GLDN: variants seen among roughly 807,000 people sequenced by gnomAD.
GLDN encodes the protein gliomedin.
Under a neutral mutation model 56.5 loss-of-function variants are expected in GLDN, and 47 were observed. The observed-to-expected ratio is 0.83, with a 90% confidence interval of 0.66 to 1.06. The LOEUF (loss-of-function observed/expected upper bound fraction) is 1.06. GLDN is among the 50% of genes least tolerant of loss of function. The pLI, the probability that GLDN is intolerant of heterozygous loss-of-function variation, is 0.00. For synonymous variants in GLDN, 332 were observed against 278.8 expected (o/e 1.19, Z -1.90); for missense variants, 782 against 714.3 (o/e 1.09, Z -1.08).
chr15:51,342,163 G>A (rs898711701), intron 1 of GLDN, 116 bp downstream of exon 1: 2 of 1,325,730 alleles, frequency 1.5e-6, no homozygotes, highest in Non-Finnish European at 2.1e-6. Flanking sequence ...CTGCGGAGAG[G>A]GCTGTGGGCA....
chr15:51,353,734 A>AAAAAAAAAAAAAAAAAAAAAAC lies in GLDN; in HGVS notation c.363+11687_363+11688insAAAAAAAAAAAAAAAAAAAAAC, dbSNP rs60404846. Among the ~76,000 whole-genome samples, 31 of 128,880 alleles carry AAAAAAAAAAAAAAAAAAAAAAC rather than the reference A, an allele frequency of 2.4e-4. 1 individual carries two copies. Among genetic ancestry groups the AAAAAAAAAAAAAAAAAAAAAAC allele is most frequent in the Non-Finnish European group, 4.4e-4 (27 of 61,786 alleles). The allele number at this position is 128,880 out of a possible 152,430, so 84.6% of individuals were successfully genotyped here. A position where few individuals can be genotyped will look rare whatever the true frequency, so the allele number is the denominator to read the frequency against. ...TTGATTAAAAAAAAAAAAAAAAAAA[A>AAAAAAAAAAAAAAAAAAAAAAC]CCACAGTCAATTAAAAAAAAAAAAA... is the stretch of plus-strand genomic sequence containing the variant. On this transcript the variant is annotated intron_variant, in intron 1 of 9. Coordinates refer to ENST00000335449, the MANE Select transcript of GLDN (RefSeq NM_181789.4).
At chr15:51,352,605 A>G (rs1035433624) in intron 1 of GLDN, among the ~76,000 whole-genome samples, 2 of 152,232 alleles carry the variant, frequency 1.3e-5, no homozygotes, top group Non-Finnish European at 2.9e-5. Context: ...TTGGAATCAT[A>G]CCAACCTAAA....
At chr15:51,388,864 T>C (rs930248649) in intron 4 of GLDN, among the ~76,000 whole-genome samples, 27 of 152,124 alleles carry the variant, frequency 1.8e-4, no homozygotes, top group African/African-American at 6.3e-4. Flanking sequence ...ATTGAGAATA[T>C]AGGGCTTCAG....
At chr15:51,353,809 C>T (rs2037124550) in intron 1 of GLDN, among the ~76,000 whole-genome samples, 1 of 150,542 alleles carries the variant, frequency 6.6e-6, no homozygotes, top group Non-Finnish European at 1.5e-5. Flanking sequence ...ACCACCACCA[C>T]CACCACACAC....
intron 4 of GLDN, among the ~76,000 whole-genome samples, chr15:51,388,936 T>C (rs2037958605): frequency 6.6e-6 from 1 of 152,222 alleles, no homozygotes; most frequent in African/African-American, 2.4e-5. Flanking sequence ...GGTTCCAGCC[T>C]TTCAGAGAGG....
chr15:51,377,018 A>C (rs1256530890), intron 1 of GLDN, among the ~76,000 whole-genome samples: 2 of 152,234 alleles, frequency 1.3e-5, no homozygotes, highest in African/African-American at 2.4e-5. Flanking sequence ...TGTCAGCTGG[A>C]AACTTTTTAA....
chr15:51,381,341 C>T (rs2037755461), intron 2 of GLDN, among the ~76,000 whole-genome samples: 1 of 152,114 alleles, frequency 6.6e-6, no homozygotes. Flanking sequence ...CCTCTGTCGT[C>T]GCGAACGATG....
At chr15:51,365,555 T>A (rs970694571) in intron 1 of GLDN, among the ~76,000 whole-genome samples, 5 of 152,170 alleles carry the variant, frequency 3.3e-5, no homozygotes, top group African/African-American at 1.2e-4. Context: ...ATTCCCATTT[T>A]ACAGACAGGT....
chr15:51,373,446 AG>A (rs2037557016), intron 1 of GLDN, among the ~76,000 whole-genome samples: 1 of 152,234 alleles, frequency 6.6e-6, no homozygotes, highest in Non-Finnish European at 1.5e-5. Flanking sequence ...TACTGATAAA[AG>A]TTCGTGTACA....
In GLDN at chr15:51,401,760, C is replaced by T; in HGVS notation, c.1178+17C>T. 7 of 1,608,434 alleles carry T rather than the reference C, an allele frequency of 4.4e-6. No individual in the cohort carries two copies. Among genetic ancestry groups the T allele is most frequent in the Middle Eastern group, 1.7e-4 (1 of 5,988 alleles). On this transcript the variant is annotated intron_variant, in intron 9 of 9. Coordinates refer to ENST00000335449, the MANE Select transcript of GLDN (RefSeq NM_181789.4). ...CCTAGTGAGGTAAGTCGCACCACAG[C>T]ACCTTCTCACGCCTCTCAGGCAGCA...
intron 3 of GLDN, 64 bp downstream of exon 3, chr15:51,383,517 C>G (rs1008407892): frequency 1.3e-6 from 2 of 1,581,408 alleles, no homozygotes; most frequent in African/African-American, 2.7e-5. Flanking sequence ...TAGGATCTCC[C>G]TGTTGGGACA....
intron 6 of GLDN, among the ~76,000 whole-genome samples, chr15:51,398,812 C>A (rs748331328): frequency 2.0e-5 from 3 of 152,264 alleles, no homozygotes; most frequent in Middle Eastern, 3.4e-3. Flanking sequence ...ATGAACTGAG[C>A]GAGACCTCCC....
At chr15:51,386,604 C>G (rs781358420) in intron 4 of GLDN, among the ~76,000 whole-genome samples, 8 of 152,238 alleles carry the variant, frequency 5.3e-5, no homozygotes, top group Non-Finnish European at 8.8e-5. Flanking sequence ...TCTCTAAATG[C>G]TGCTGTGGCT....
intron 1 of GLDN, among the ~76,000 whole-genome samples, chr15:51,359,109 A>G (rs1048429446): frequency 6.6e-6 from 1 of 152,204 alleles, no homozygotes; most frequent in Admixed American, 6.5e-5. Context: ...ACAAAAAGAT[A>G]GTCAAGGAAC....
At position 51,406,498 on chromosome 15, in the gene GLDN, A is replaced by G. The variant is rs1469258317; in HGVS notation, c.*1744A>G. ...TGGCCCTGAGTTCAATATATTATTA[A>G]CAGCAGTATTTTAAAACTTAGGGTT... On this transcript the variant is annotated 3_prime_UTR_variant, in exon 10 of 10. Coordinates refer to ENST00000335449, the MANE Select transcript of GLDN (RefSeq NM_181789.4). The G allele has an allele frequency of 6.6e-6, 1 of 152,174 alleles. No homozygotes were observed. Among genetic ancestry groups the G allele is most frequent in the Non-Finnish European group, 1.5e-5 (1 of 68,024 alleles). 9.4% of individuals were successfully genotyped at this position (152,174 alleles called of 1,614,324 possible). A position where few individuals can be genotyped will look rare whatever the true frequency, so the allele number is the denominator to read the frequency against.
intron 1 of GLDN, among the ~76,000 whole-genome samples, chr15:51,343,730 C>T (rs1031511833): frequency 1.3e-5 from 2 of 152,152 alleles, no homozygotes; most frequent in African/African-American, 4.8e-5. Flanking sequence ...GAGGGCCTGT[C>T]CCTGAGGCTA....
intron 1 of GLDN, among the ~76,000 whole-genome samples, chr15:51,344,996 G>A (rs1347184007): frequency 6.6e-6 from 1 of 151,946 alleles, no homozygotes; most frequent in Non-Finnish European, 1.5e-5. Flanking sequence ...GAGGAGCCCT[G>A]GATGGGGCTT....
At chr15:51,371,891 GC>G (rs2141079734) in intron 1 of GLDN, among the ~76,000 whole-genome samples, 1 of 152,186 alleles carries the variant, frequency 6.6e-6, no homozygotes, top group Non-Finnish European at 1.5e-5. Flanking sequence ...CCCCATATTG[GC>G]CAGGCTGGTC....
At chr15:51,352,852 T>C (rs74686648) in intron 1 of GLDN, among the ~76,000 whole-genome samples, 2 of 152,202 alleles carry the variant, frequency 1.3e-5, no homozygotes, top group African/African-American at 2.4e-5. Flanking sequence ...AAGGAACTTA[T>C]AGTTTAACTG....
Sources: allele counts gnomAD v4.1 joint callset (sites outside exome capture counted in the v4.1 genomes callset), GRCh38; gene constraint gnomAD v4.1.1; transcripts MANE v1.5; gene names NCBI Gene and HGNC (gene_info 2026-07-23, HGNC 2026-07-21).